PLEKHM3: variants seen among roughly 807,000 people sequenced by gnomAD.
PLEKHM3 encodes the protein pleckstrin homology domain containing M3.
In PLEKHM3, 45 loss-of-function variants were observed where a neutral mutation model predicts 81.8. That is an observed-to-expected ratio of 0.55 (90% CI 0.43 to 0.71). The LOEUF is 0.71. Ranked by LOEUF, PLEKHM3 falls within the 30% of genes least tolerant of loss-of-function variation. The pLI, the probability that PLEKHM3 is intolerant of heterozygous loss-of-function variation, is 0.00. For missense variants in PLEKHM3, 788 were observed against 924.3 expected (o/e 0.85, Z 1.91); for synonymous variants, 352 against 356.4 (o/e 0.99, Z 0.14).
chr2:207,991,581 C>T (rs775121898), intron 2 of PLEKHM3, among the ~76,000 whole-genome samples: 8 of 133,844 alleles, frequency 6.0e-5, no homozygotes, highest in African/African-American at 1.3e-4. Context: ...GGCCAAGGAG[C>T]GGGTGCTATT....
chr2:207,907,054 G>T (rs949826561), intron 6 of PLEKHM3, among the ~76,000 whole-genome samples: 1 of 152,102 alleles, frequency 6.6e-6, no homozygotes. Flanking sequence ...ATTATTTAAT[G>T]AACTCTTGAA....
intron 6 of PLEKHM3, among the ~76,000 whole-genome samples, chr2:207,873,296 T>C (rs2092544397): frequency 6.6e-6 from 1 of 152,190 alleles, no homozygotes; most frequent in South Asian, 2.1e-4. Flanking sequence ...TTGGTTTCTA[T>C]TCCCAGCTAT....
chr2:207,929,811 G>A (rs917224242), intron 5 of PLEKHM3: 11 of 620,034 alleles, frequency 1.8e-5, no homozygotes, highest in African/African-American at 5.5e-5. Flanking sequence ...GATGCCCGGG[G>A]TTATGTCAGT....
chr2:207,986,579 G>A (rs916530512), intron 2 of PLEKHM3, among the ~76,000 whole-genome samples: 3 of 152,126 alleles, frequency 2.0e-5, no homozygotes, highest in Admixed American at 6.6e-5. Context: ...ACTAAGCTTT[G>A]TTGCAGACAT....
intron 6 of PLEKHM3, among the ~76,000 whole-genome samples, chr2:207,890,189 G>C (rs1688017992): frequency 6.6e-6 from 1 of 152,200 alleles, no homozygotes; most frequent in African/African-American, 2.4e-5. Context: ...ATAAATTATA[G>C]AGCATCCTAG....
intron 7 of PLEKHM3, among the ~76,000 whole-genome samples, chr2:207,842,900 T>C (rs1384597615): frequency 6.6e-6 from 1 of 152,292 alleles, no homozygotes; most frequent in East Asian, 1.9e-4. Context: ...TGGGAGCCAA[T>C]GTGAGCTTCT....
chr2:207,999,675 C>T (rs755835543), intron 2 of PLEKHM3, among the ~76,000 whole-genome samples: 3 of 152,114 alleles, frequency 2.0e-5, no homozygotes, highest in Non-Finnish European at 4.4e-5. Flanking sequence ...GGTCACTACC[C>T]TTGGCTAGAT....
At chr2:207,971,461 TG>T (rs1263108111) in intron 3 of PLEKHM3, among the ~76,000 whole-genome samples, 1 of 151,996 alleles carries the variant, frequency 6.6e-6, no homozygotes, top group Non-Finnish European at 1.5e-5. Flanking sequence ...TTTGAGATAA[TG>T]GATATGCTAA....
At chr2:207,987,080 C>G (rs552234078) in intron 2 of PLEKHM3, among the ~76,000 whole-genome samples, 2 of 152,258 alleles carry the variant, frequency 1.3e-5, no homozygotes, top group South Asian at 4.1e-4. Flanking sequence ...ATGGCCAATA[C>G]AAATAATCTG....
At chr2:208,008,384 T>C (rs1692568788) in intron 1 of PLEKHM3, among the ~76,000 whole-genome samples, 1 of 150,254 alleles carries the variant, frequency 6.7e-6, no homozygotes, top group African/African-American at 2.4e-5. Flanking sequence ...TGAAAATAAA[T>C]AGGTGTACTT....
chr2:207,828,265 C>T lies in PLEKHM3; in HGVS notation c.*54G>A. 6.4e-7 allele frequency: 1 copy of T among 1,569,266 alleles called. No homozygotes were observed. The highest frequency in any genetic ancestry group is 8.6e-7 in the Non-Finnish European group (1 of 1,156,160). ...CTAACTGGCTAGTTAGGAGGCCGCT[C>T]TGGGGCTGATGGATTGTTGATTGGT... On this transcript the variant is annotated 3_prime_UTR_variant, in exon 8 of 8. Transcript: ENST00000427836.
intron 2 of PLEKHM3, among the ~76,000 whole-genome samples, chr2:207,978,097 A>T (rs1310771292): frequency 6.6e-6 from 1 of 152,110 alleles, no homozygotes; most frequent in Admixed American, 6.5e-5. Flanking sequence ...AAAGTAAAAT[A>T]AAAATAAAAA....
chr2:207,868,358 T>G (rs1393899133), intron 6 of PLEKHM3, among the ~76,000 whole-genome samples: 1 of 152,138 alleles, frequency 6.6e-6, no homozygotes, highest in African/African-American at 2.4e-5. Context: ...GTGGACTCAT[T>G]AGGGAGTCTC....
At chr2:207,983,708 A>C (rs778651337) in intron 2 of PLEKHM3, among the ~76,000 whole-genome samples, 1 of 152,258 alleles carries the variant, frequency 6.6e-6, no homozygotes, top group South Asian at 2.1e-4. Flanking sequence ...TCTTTACAGT[A>C]TCCAGTGCAG....
chr2:207,923,894 T>C (rs1376296920), intron 5 of PLEKHM3, among the ~76,000 whole-genome samples: 5 of 81,400 alleles, frequency 6.1e-5, no homozygotes, highest in African/African-American at 1.6e-4. Context: ...TATATATATA[T>C]ATATATATAT....
At chr2:207,934,350 T>C (rs533555243) in intron 4 of PLEKHM3, among the ~76,000 whole-genome samples, 1 of 152,312 alleles carries the variant, frequency 6.6e-6, no homozygotes, top group Admixed American at 6.5e-5. Flanking sequence ...TGAGCTCAAA[T>C]GAATGGTTTC....
intron 6 of PLEKHM3, among the ~76,000 whole-genome samples, chr2:207,905,594 T>C (rs775938779): frequency 2.0e-5 from 3 of 152,362 alleles, no homozygotes; most frequent in Admixed American, 1.3e-4. Context: ...TCAGTGCTGA[T>C]AGCCAAGATG....
rs1278550550 is a variant in PLEKHM3, at chr2:207,821,633, G to A, written c.*6686C>T. 6.6e-6 allele frequency: 1 copy of A among 151,996 alleles called. No homozygotes were observed. The allele number at this position is 151,996 out of a possible 1,614,324, so 9.4% of individuals were successfully genotyped here. A position where few individuals can be genotyped will look rare whatever the true frequency, so the allele number is the denominator to read the frequency against. The stretch of plus-strand genomic sequence containing the variant: ...AGCAGATATAAGAAAAAATGGCATA[G>A]ACCTGACCCAGGAGCTACAGAACAA... On this transcript the variant is annotated 3_prime_UTR_variant, in exon 8 of 8. Coordinates refer to ENST00000427836, the MANE Select transcript of PLEKHM3 (RefSeq NM_001080475.3).
At chr2:207,997,765 T>A (rs1224042690) in intron 2 of PLEKHM3, among the ~76,000 whole-genome samples, 1 of 152,216 alleles carries the variant, frequency 6.6e-6, no homozygotes, top group East Asian at 1.9e-4. Context: ...GATGCGAGTC[T>A]GCAGCTCAAG....
Sources: allele counts gnomAD v4.1 joint callset (sites outside exome capture counted in the v4.1 genomes callset), GRCh38; gene constraint gnomAD v4.1.1; transcripts MANE v1.5; gene names NCBI Gene and HGNC (gene_info 2026-07-23, HGNC 2026-07-21).